GRIK2: variants seen among roughly 807,000 people sequenced by gnomAD.
GRIK2 encodes glutamate receptor ionotropic, kainate 2.
In GRIK2, 32 loss-of-function variants were observed where a neutral mutation model predicts 100.3. The observed-to-expected ratio is 0.32, with a 90% confidence interval of 0.24 to 0.43. GRIK2 has a LOEUF of 0.43. Ranked by LOEUF, GRIK2 falls within the 20% of genes least tolerant of loss-of-function variation. The pLI is 1.00. For synonymous variants in GRIK2, 417 were observed against 389.4 expected (o/e 1.07, Z -0.83); for missense variants, 843 against 1,114.9 (o/e 0.76, Z 3.47).
Position 101,583,161 on chromosome 6 carries a change from G to GT in GRIK2, c.116-38787dup, listed in dbSNP as rs556434293. ...GAAGCTGTGATTAAGCAAATGTTTA[G>GT]TGGATGTTTGAGAAAAGACTGATTG... On this transcript the variant is annotated intron_variant, in intron 2 of 16. Coordinates refer to ENST00000369134, the MANE Select transcript of GRIK2 (RefSeq NM_021956.5). Among the ~76,000 whole-genome samples, 242 of 152,256 alleles carry GT rather than the reference G, an allele frequency of 1.6e-3. 1 individual carries two copies. The highest frequency in any genetic ancestry group is 5.6e-3 in the African/African-American group (232 of 41,578).
chr6:101,794,540 G>A (rs569874303), intron 7 of GRIK2, among the ~76,000 whole-genome samples: 8 of 151,906 alleles, frequency 5.3e-5, no homozygotes, highest in South Asian at 2.1e-4. Context: ...TTATCATTGC[G>A]GTTTAGTGGT....
At chr6:101,697,285 G>A (rs1772556114) in intron 7 of GRIK2, among the ~76,000 whole-genome samples, 1 of 151,696 alleles carries the variant, frequency 6.6e-6, no homozygotes, top group South Asian at 2.1e-4. Flanking sequence ...CATTATTTCA[G>A]CATTAATTAT....
chr6:101,554,035 A>G lies in GRIK2; in HGVS notation c.116-67914A>G, dbSNP rs145267638. On this transcript the variant is annotated intron_variant, in intron 2 of 16. Transcript: ENST00000369134. ...TTGGGTGGAATCTTGACCCAAGAAC[A>G]GCTAACACATGCTTCTATATGTGAC... Among the ~76,000 whole-genome samples, 1,174 of 152,324 alleles carry G rather than the reference A, an allele frequency of 7.7e-3. 15 individuals carry two copies. Among genetic ancestry groups the G allele is most frequent in the African/African-American group, 0.027 (1,118 of 41,562 alleles).
At position 101,822,089 on chromosome 6, in the gene GRIK2, G is replaced by T. The variant is rs555968912; in HGVS notation, c.1317+3606G>T. Among the ~76,000 whole-genome samples, 7 of 151,684 alleles carry T rather than the reference G, an allele frequency of 4.6e-5. No individual in the cohort carries two copies. The East Asian group carries it at 1.4e-3, about 29-fold the overall frequency. On this transcript the variant is annotated intron_variant, in intron 10 of 16. Transcript: ENST00000369134. ...TTTAATTTTATTCATTATTTTATTT[G>T]ATGAATATGTATTGAATAATAATGA...
At chr6:101,773,970 A>C (rs1460116941) in intron 7 of GRIK2, among the ~76,000 whole-genome samples, 1 of 152,222 alleles carries the variant, frequency 6.6e-6, no homozygotes, top group African/African-American at 2.4e-5. Flanking sequence ...ATAAAAAGTC[A>C]TAAAAGATGC....
chr6:101,397,266 A>G (rs1458055505), intron 1 of GRIK2, among the ~76,000 whole-genome samples: 1 of 152,188 alleles, frequency 6.6e-6, no homozygotes, highest in East Asian at 1.9e-4. Context: ...CCTGGCAGTC[A>G]TTATTATCTC....
At chr6:101,909,074 T>TA in intron 12 of GRIK2, among the ~76,000 whole-genome samples, 1 of 151,244 alleles carries the variant, frequency 6.6e-6, no homozygotes, top group East Asian at 1.9e-4. Context: ...AACTTCAAAG[T>TA]AAAAAACACA....
intron 11 of GRIK2, among the ~76,000 whole-genome samples, chr6:101,879,952 C>A (rs1440308322): frequency 1.3e-5 from 2 of 151,858 alleles, no homozygotes; most frequent in Non-Finnish European, 2.9e-5. Context: ...GTCCACCAAC[C>A]CATAGCCTAA....
At chr6:101,609,814 A>G (rs186588725) in intron 2 of GRIK2, among the ~76,000 whole-genome samples, 16 of 151,890 alleles carry the variant, frequency 1.1e-4, no homozygotes, top group Admixed American at 5.9e-4. Context: ...TGGTCCTGTC[A>G]GAAGTAGTAG....
At chr6:102,035,316 A>T (rs761546571) in intron 14 of GRIK2, 25 bp from the exon 15 acceptor site, 38 of 1,386,918 alleles carry the variant, frequency 2.7e-5, no homozygotes, top group Middle Eastern at 3.6e-4. Flanking sequence ...CTTTCTCGTG[A>T]CCAACTTATA....
At chr6:101,470,911 T>A (rs1458671442) in intron 2 of GRIK2, among the ~76,000 whole-genome samples, 1 of 152,188 alleles carries the variant, frequency 6.6e-6, no homozygotes, top group Admixed American at 6.6e-5. Flanking sequence ...GACTGCATGA[T>A]CTATAGTACA....
chr6:101,658,873 G>T (rs1769393681), intron 4 of GRIK2, among the ~76,000 whole-genome samples: 1 of 152,082 alleles, frequency 6.6e-6, no homozygotes, highest in South Asian at 2.1e-4. Flanking sequence ...TGATGAGGTT[G>T]TTTGCTTTTT....
chr6:101,919,154 CAGTAGTTAATAGATATTG>C (rs1240929014), intron 12 of GRIK2, among the ~76,000 whole-genome samples: 1 of 151,592 alleles, frequency 6.6e-6, no homozygotes, highest in East Asian at 1.9e-4. Context: ...CCTAATAATT[CAGTAGTTAATAGATATTG>C]ATTCTACACA....
At position 102,063,670 on chromosome 6, in the gene GRIK2, A is replaced by G. The variant is rs184575653; in HGVS notation, c.2563-4677A>G. ...AAGCTTTTAAGAATAAATATTCTGT[A>G]ACATCAACAATGATATTCTTGAAAA... On this transcript the variant is annotated intron_variant, in intron 16 of 16. Coordinates refer to ENST00000369134, the MANE Select transcript of GRIK2 (RefSeq NM_021956.5). 1.7e-3 allele frequency among the ~76,000 whole-genome samples: 252 copies of G among 150,742 alleles called. 2 individuals carry two copies. In the Middle Eastern group the frequency reaches 0.041, roughly 24 times the overall value.
At chr6:101,927,472 C>T (rs1251420813) in intron 13 of GRIK2, 3 of 152,490 alleles carry the variant, frequency 2.0e-5, no homozygotes, top group African/African-American at 7.3e-5. Context: ...TTTAGTATAC[C>T]TTACTTATAA....
chr6:101,682,659 C>A, intron 6 of GRIK2, 53 bp downstream of exon 6: 1 of 790,834 alleles, frequency 1.3e-6, no homozygotes, highest in Non-Finnish European at 2.1e-6. Context: ...ATGACTTTTT[C>A]AGATGAAAAA....
At chr6:101,687,421 A>G (rs925842293) in intron 7 of GRIK2, among the ~76,000 whole-genome samples, 34 of 152,108 alleles carry the variant, frequency 2.2e-4, no homozygotes, top group African/African-American at 7.2e-4. Flanking sequence ...GTCTAAATGG[A>G]GAATTTATAA....
chr6:101,740,953 A>G (rs755357728), intron 7 of GRIK2, among the ~76,000 whole-genome samples: 1 of 152,178 alleles, frequency 6.6e-6, no homozygotes, highest in Non-Finnish European at 1.5e-5. Flanking sequence ...TTTCACCATG[A>G]GATTTTTGAG....
chr6:101,812,158 TA>T (rs1781374359), intron 9 of GRIK2, among the ~76,000 whole-genome samples: 1 of 151,516 alleles, frequency 6.6e-6, no homozygotes, highest in African/African-American at 2.4e-5. Context: ...AACATGAAGA[TA>T]AAATATGGAA....
Sources: allele counts gnomAD v4.1 joint callset (sites outside exome capture counted in the v4.1 genomes callset), GRCh38; gene constraint gnomAD v4.1.1; transcripts MANE v1.5; gene names NCBI Gene and HGNC (gene_info 2026-07-23, HGNC 2026-07-21).